Variants in SEMA3A observed in about 807,000 individuals in gnomAD.
SEMA3A encodes semaphorin 3A.
Under a neutral mutation model 97.9 loss-of-function variants are expected in SEMA3A, and 29 were observed. The observed-to-expected ratio is 0.30, with a 90% CI of 0.22 to 0.40. The LOEUF is 0.40. Among genes scored for constraint, SEMA3A ranks in the 10% least tolerant of loss-of-function variants. SEMA3A has a pLI of 1.00. For missense variants in SEMA3A, 763 were observed against 951.3 expected (o/e 0.80, Z 2.60); for synonymous variants, 321 against 323.7 (o/e 0.99, Z 0.09).
At chr7:84,071,942 A>T (rs10488265) in intron 4 of SEMA3A, among the ~76,000 whole-genome samples, 19,176 of 152,076 alleles carry the variant, frequency 0.13, 1,276 homozygotes, top group South Asian at 0.15. Flanking sequence ...GGAACTAATA[A>T]TTTCGCCTTC....
At chr7:84,407,712 C>T (rs1804138196) in intron 1 of SEMA3A, among the ~76,000 whole-genome samples, 1 of 152,060 alleles carries the variant, frequency 6.6e-6, no homozygotes, top group South Asian at 2.1e-4. Flanking sequence ...ACCAATGGAA[C>T]AGAATAGAGC....
chr7:84,120,671 T>G (rs1795583632), intron 3 of SEMA3A, among the ~76,000 whole-genome samples: 1 of 152,220 alleles, frequency 6.6e-6, no homozygotes, highest in Non-Finnish European at 1.5e-5. Context: ...GAAAATCATA[T>G]TTAAAATGGA....
At chr7:84,081,571 C>G (rs1428105597) in intron 4 of SEMA3A, among the ~76,000 whole-genome samples, 2 of 133,582 alleles carry the variant, frequency 1.5e-5, no homozygotes, top group Non-Finnish European at 3.1e-5. Flanking sequence ...GTAGCCTGGG[C>G]GACAGAGCGA....
intron 1 of SEMA3A, among the ~76,000 whole-genome samples, chr7:84,416,231 G>T (rs545653314): frequency 6.6e-6 from 1 of 152,034 alleles, no homozygotes; most frequent in Non-Finnish European, 1.5e-5. Flanking sequence ...TGCTATTCTC[G>T]TGATAATGAA....
chr7:84,179,043 T>A (rs543021279), intron 1 of SEMA3A, among the ~76,000 whole-genome samples: 23 of 152,260 alleles, frequency 1.5e-4, no homozygotes, highest in Admixed American at 1.4e-3. Flanking sequence ...CACTGTGATA[T>A]CAAATTTTCT....
chr7:84,042,006 G>A lies in SEMA3A; in HGVS notation c.667+4318C>T, dbSNP rs185794434. Among the ~76,000 whole-genome samples, 4 of 152,250 alleles carry A rather than the reference G, an allele frequency of 2.6e-5. No homozygotes were observed. In the East Asian group the frequency reaches 5.8e-4, roughly 22 times the overall value. ...AGTGTATTAAAAGAGCTGTACAAGT[G>A]TACAAGTGATTTGAGATTGGGTATC... On this transcript the variant is annotated intron_variant, in intron 6 of 16. Transcript: ENST00000265362.
chr7:83,979,734 ATAT>A (rs1371666878), intron 14 of SEMA3A, among the ~76,000 whole-genome samples: 1 of 152,172 alleles, frequency 6.6e-6, no homozygotes, highest in African/African-American at 2.4e-5. Context: ...TATACATTTA[ATAT>A]TATTAACAGG....
intron 3 of SEMA3A, among the ~76,000 whole-genome samples, chr7:84,273,038 A>G (rs1372731883): frequency 6.6e-6 from 1 of 152,132 alleles, no homozygotes; most frequent in African/African-American, 2.4e-5. Flanking sequence ...CAGAGGTTTA[A>G]TACTCAGGAA....
chr7:84,308,786 A>T (rs1294788581), intron 2 of SEMA3A, among the ~76,000 whole-genome samples: 6 of 151,672 alleles, frequency 4.0e-5, no homozygotes, highest in Admixed American at 3.9e-4. Flanking sequence ...ATTCTCAGTG[A>T]CTTAAGTGGA....
At chr7:84,060,304 G>C (rs1793160774) in intron 5 of SEMA3A, among the ~76,000 whole-genome samples, 161 bp downstream of exon 5, 2 of 152,086 alleles carry the variant, frequency 1.3e-5, no homozygotes, top group African/African-American at 4.8e-5. Context: ...ATAGCATTTA[G>C]TGTTTCTTCT....
At chr7:84,268,112 C>G (rs1800049861) in intron 3 of SEMA3A, among the ~76,000 whole-genome samples, 1 of 152,034 alleles carries the variant, frequency 6.6e-6, no homozygotes, top group Non-Finnish European at 1.5e-5. Context: ...ACATAGCACC[C>G]AATTTGCTTC....
intron 1 of SEMA3A, among the ~76,000 whole-genome samples, chr7:84,161,289 G>A (rs978513212): frequency 6.6e-5 from 10 of 151,768 alleles, no homozygotes; most frequent in Non-Finnish European, 1.2e-4. Flanking sequence ...ACTTGAACCC[G>A]GGAGGTGGAG....
chr7:84,065,648 G>T (rs368470722), intron 4 of SEMA3A, among the ~76,000 whole-genome samples: 1 of 151,618 alleles, frequency 6.6e-6, no homozygotes, highest in Non-Finnish European at 1.5e-5. Context: ...ACACCTCTAC[G>T]CAAATAAACT....
chr7:84,301,797 T>C (rs1429453288), intron 3 of SEMA3A, among the ~76,000 whole-genome samples: 1 of 152,168 alleles, frequency 6.6e-6, no homozygotes, highest in Non-Finnish European at 1.5e-5. Context: ...TGCAGAGCCC[T>C]GATGCGGAAT....
chr7:84,329,263 CCA>C (rs1402946910), intron 2 of SEMA3A, among the ~76,000 whole-genome samples: 1 of 151,896 alleles, frequency 6.6e-6, no homozygotes, highest in Non-Finnish European at 1.5e-5. Flanking sequence ...CTGTTTCAAA[CCA>C]GACATTTTAA....
chr7:84,331,612 A>G, intron 2 of SEMA3A, among the ~76,000 whole-genome samples: 2 of 152,110 alleles, frequency 1.3e-5, no homozygotes, highest in East Asian at 3.9e-4. Flanking sequence ...TATATACAGG[A>G]CGTCCACAGG....
At chr7:84,261,898 C>T (rs1253464108) in intron 3 of SEMA3A, among the ~76,000 whole-genome samples, 1 of 152,224 alleles carries the variant, frequency 6.6e-6, no homozygotes, top group Non-Finnish European at 1.5e-5. Flanking sequence ...TCTTGTGACA[C>T]TACTAATATT....
chr7:84,006,633 C>T (rs527507222), intron 10 of SEMA3A, among the ~76,000 whole-genome samples: 1 of 152,236 alleles, frequency 6.6e-6, no homozygotes, highest in Non-Finnish European at 1.5e-5. Context: ...TTATAGAGTA[C>T]AATATCTCCA....
chr7:84,034,872 A>G (rs1318005232), intron 6 of SEMA3A, among the ~76,000 whole-genome samples: 2 of 152,128 alleles, frequency 1.3e-5, no homozygotes, highest in Non-Finnish European at 2.9e-5. Context: ...TTTCTAAACT[A>G]ATCTGATACT....
Sources: allele counts gnomAD v4.1 joint callset (sites outside exome capture counted in the v4.1 genomes callset), GRCh38; gene constraint gnomAD v4.1.1; transcripts MANE v1.5; gene names NCBI Gene and HGNC (gene_info 2026-07-23, HGNC 2026-07-21).